DEPTOR: variants seen among roughly 807,000 people sequenced by gnomAD.
DEPTOR encodes DEP domain containing MTOR interacting protein.
A neutral mutation model predicts 41.6 loss-of-function variants in DEPTOR; 41 were observed. The observed-to-expected ratio is 0.98, with a 90% CI of 0.77 to 1.28. The LOEUF is 1.28. Among genes scored for constraint, DEPTOR ranks in the 50% most tolerant of loss-of-function variants. The pLI is 0.00. For missense variants in DEPTOR, 514 were observed against 527.9 expected, an observed-to-expected ratio of 0.97 and a Z score of 0.26; for synonymous variants, 195 against 192.3, an observed-to-expected ratio of 1.01 and a Z score of -0.12.
In DEPTOR at chr8:119,965,336, A is replaced by C. The variant is rs538517333; in HGVS notation, c.530A>C (p.Glu177Ala). Residue 177 changes from glutamate to alanine, a missense_variant, in exon 4 of 9, where the codon GAA becomes GCA. Physicochemically the swap from Glu to Ala is moderately radical, Grantham distance 107. Coordinates refer to ENST00000286234, the MANE Select transcript of DEPTOR (RefSeq NM_022783.4). ...ASEFLDWLVQ[E>A]GEATTRKEAE... is the part of the protein sequence containing the mutation. ...GAATTCCTGGACTGGCTGGTTCAGG[A>C]AGGTGAGGCCACCACGAGGAAAGAG... is the stretch of plus-strand genomic sequence containing the variant. 2 of 1,614,066 alleles carry C rather than the reference A, an allele frequency of 1.2e-6. No individual in the cohort carries two copies. Among genetic ancestry groups the C allele is most frequent in the South Asian group, 2.2e-5 (2 of 91,078 alleles).
intron 8 of DEPTOR, among the ~76,000 whole-genome samples, chr8:120,010,704 C>T (rs978763220): frequency 6.6e-6 from 1 of 151,796 alleles, no homozygotes; most frequent in Admixed American, 6.6e-5. Flanking sequence ...ATTAAAATTA[C>T]TTCTAATCTT....
At position 120,016,292 on chromosome 8, in the gene DEPTOR, AT is replaced by A. The variant is rs879364652; in HGVS notation, c.1101+7171del. On this transcript the variant is annotated intron_variant, in intron 8 of 8. Transcript: ENST00000286234. ...TGGGGGTTAGAATTTCAATGTATGA[AT>A]TTTTTTTTTTTCCTTTTTTTTTGAG... Among the ~76,000 whole-genome samples the A allele has an allele frequency of 1.3e-3, 184 of 145,632 alleles. 1 individual carries two copies. The highest frequency in any genetic ancestry group is 3.6e-3 in the Middle Eastern group (1 of 280).
chr8:119,894,493 T>C (rs978440925), intron 1 of DEPTOR, among the ~76,000 whole-genome samples: 3 of 151,746 alleles, frequency 2.0e-5, no homozygotes, highest in East Asian at 1.9e-4. Context: ...GCCTCCTGGG[T>C]TCACGGCATT....
intron 1 of DEPTOR, among the ~76,000 whole-genome samples, chr8:119,917,738 A>G (rs947845790): frequency 1.3e-5 from 2 of 152,206 alleles, no homozygotes; most frequent in African/African-American, 4.8e-5. Context: ...GAGGAGGATT[A>G]GTAAAAGAGG....
chr8:120,015,763 T>C (rs1408610849), intron 8 of DEPTOR, among the ~76,000 whole-genome samples: 6 of 152,178 alleles, frequency 3.9e-5, no homozygotes, highest in African/African-American at 1.4e-4. Flanking sequence ...CAGCCAGTTT[T>C]ATAAGTAGGC....
chr8:119,917,120 T>C (rs1001120449), intron 1 of DEPTOR, among the ~76,000 whole-genome samples: 6 of 152,242 alleles, frequency 3.9e-5, no homozygotes, highest in Admixed American at 2.0e-4. Flanking sequence ...TCTACGGGGC[T>C]GTGTGCTCTA....
intron 1 of DEPTOR, among the ~76,000 whole-genome samples, chr8:119,899,437 G>A (rs1337545468): frequency 6.6e-6 from 1 of 152,116 alleles, no homozygotes; most frequent in Non-Finnish European, 1.5e-5. Context: ...GACCCAAAAG[G>A]CATGCATACA....
chr8:119,937,668 G>A (rs1357848054), intron 3 of DEPTOR, among the ~76,000 whole-genome samples: 1 of 152,168 alleles, frequency 6.6e-6, no homozygotes, highest in Admixed American at 6.6e-5. Flanking sequence ...TCACAAGTTT[G>A]CTGCCACCAT....
intron 4 of DEPTOR, among the ~76,000 whole-genome samples, chr8:119,995,972 T>A (rs1410151353): frequency 6.6e-6 from 1 of 152,238 alleles, no homozygotes; most frequent in African/African-American, 2.4e-5. Flanking sequence ...AATGTTTATG[T>A]CATTAAACTG....
In DEPTOR at chr8:120,009,030, T is replaced by C. The variant is rs1193948444; in HGVS notation, c.998T>C (p.Ile333Thr). Reference sequence around the variant, plus strand: ...GCTAATTGTGGTTTTCCTCTCTAGATTGTTGGTGACGCGGTTGGCTGGGGT... The same window carrying C: ...GCTAATTGTGGTTTTCCTCTCTAGACTGTTGGTGACGCGGTTGGCTGGGGT... Reference protein sequence around the residue: ...GAPYARKTFTIVGDAVGWGFV... With the variant: ...GAPYARKTFTTVGDAVGWGFV... The change falls in exon 8 of 9, where the codon ATT becomes ACT. Residue 333 changes from isoleucine to threonine, a missense_variant and splice_region_variant. Transcript: ENST00000286234. 2.5e-6 allele frequency: 4 copies of C among 1,613,944 alleles called. No homozygotes were observed. The highest frequency in any genetic ancestry group is 1.1e-5 in the South Asian group (1 of 90,990).
chr8:119,933,783 G>C (rs1234629117), intron 3 of DEPTOR, among the ~76,000 whole-genome samples: 5 of 152,090 alleles, frequency 3.3e-5, no homozygotes, highest in Non-Finnish European at 5.9e-5. Context: ...TTTCTTGCTT[G>C]TTTGTTCTGT....
intron 8 of DEPTOR, 86 bp from the exon 9 acceptor site, chr8:120,049,490 T>A: frequency 3.5e-6 from 5 of 1,442,910 alleles, no homozygotes; most frequent in Non-Finnish European, 3.7e-6. Flanking sequence ...TGAAGTTACC[T>A]GTTAGGGCTA....
intron 4 of DEPTOR, among the ~76,000 whole-genome samples, chr8:119,973,346 C>T (rs1325682195): frequency 6.6e-6 from 1 of 152,008 alleles, no homozygotes; most frequent in Non-Finnish European, 1.5e-5. Flanking sequence ...GCAGTCCTCC[C>T]ACCTCAGCTC....
intron 8 of DEPTOR, among the ~76,000 whole-genome samples, chr8:120,027,252 T>TAATAATAATAAC (rs1812812430): frequency 1.3e-5 from 2 of 149,598 alleles, no homozygotes. Flanking sequence ...ATAATAATAA[T>TAATAATAATAAC]AATAATAATG....
At chr8:120,033,268 G>A (rs1402354892) in intron 8 of DEPTOR, among the ~76,000 whole-genome samples, 9 of 151,976 alleles carry the variant, frequency 5.9e-5, no homozygotes, top group Admixed American at 1.3e-4. Flanking sequence ...TGTATTTTTA[G>A]TAGAGACAGG....
chr8:120,041,250 G>A (rs1307707135), intron 8 of DEPTOR, among the ~76,000 whole-genome samples: 2 of 152,156 alleles, frequency 1.3e-5, no homozygotes, highest in Non-Finnish European at 2.9e-5. Context: ...CTCCCACTTT[G>A]GATGAAACAA....
At chr8:119,988,958 CTTTTTTTTTTTT>C (rs71571643) in intron 4 of DEPTOR, among the ~76,000 whole-genome samples, 5 of 93,976 alleles carry the variant, frequency 5.3e-5, no homozygotes, top group African/African-American at 2.2e-4. Context: ...TTTTTTTTTT[CTTTTTTTTTTTT>C]TTTTTTTTTT....
intron 4 of DEPTOR, among the ~76,000 whole-genome samples, chr8:119,996,170 C>T (rs573410371): frequency 6.6e-6 from 1 of 152,186 alleles, no homozygotes; most frequent in East Asian, 1.9e-4. Flanking sequence ...GGTGGCTGCT[C>T]CTGAGACACT....
chr8:120,000,167 A>T (rs1282843060), intron 4 of DEPTOR, among the ~76,000 whole-genome samples: 1 of 152,188 alleles, frequency 6.6e-6, no homozygotes, highest in Non-Finnish European at 1.5e-5. Context: ...CATACCAAGC[A>T]ATTCATTAAA....
Sources: gnomAD v4.1 joint callset for allele counts (sites outside exome capture counted in the v4.1 genomes callset) on GRCh38, gnomAD v4.1.1 for gene constraint, MANE v1.5 for transcripts, NCBI Gene and HGNC (gene_info 2026-07-23, HGNC 2026-07-21) for gene names.